The following STRN3 variants were observed in gnomAD, a reference collection of about 807,000 sequenced individuals.
STRN3 encodes striatin 3.
In STRN3, 29 loss-of-function variants were observed where a neutral mutation model predicts 95.6. The ratio of observed to expected loss-of-function variants is 0.30; its 90% CI spans 0.23 to 0.41. STRN3 has a LOEUF of 0.41. STRN3 is among the 10% of genes least tolerant of loss of function. The pLI, the probability that STRN3 is intolerant of heterozygous loss-of-function variation, is 1.00. For missense variants in STRN3, 890 were observed against 972.1 expected, an observed-to-expected ratio of 0.92 and a Z score of 1.12; for synonymous variants, 331 against 357.6, an observed-to-expected ratio of 0.93 and a Z score of 0.84.
At chr14:30,995,418 G>C in intron 1 of STRN3, among the ~76,000 whole-genome samples, 1 of 151,924 alleles carries the variant, frequency 6.6e-6, no homozygotes, top group East Asian at 1.9e-4. Flanking sequence ...ATCCTTCCTT[G>C]TCACTAATAG....
intron 5 of STRN3, among the ~76,000 whole-genome samples, chr14:30,938,271 G>A (rs1471553636): frequency 1.3e-5 from 2 of 151,706 alleles, no homozygotes; most frequent in Non-Finnish European, 2.9e-5. Context: ...TGTAGGAGAT[G>A]GTTTCTTCAA....
At chr14:30,921,420 C>A (rs375212353) in intron 8 of STRN3, among the ~76,000 whole-genome samples, 21 of 152,042 alleles carry the variant, frequency 1.4e-4, no homozygotes, top group African/African-American at 4.6e-4. Flanking sequence ...AACTGACGAT[C>A]CCAAATTATA....
intron 7 of STRN3, among the ~76,000 whole-genome samples, chr14:30,933,104 G>A (rs1277490079): frequency 8.7e-5 from 13 of 150,142 alleles, no homozygotes; most frequent in East Asian, 3.9e-4. Flanking sequence ...GCCAAACTCC[G>A]TCTCTACAAA....
At chr14:30,961,817 G>A (rs1192835068) in intron 1 of STRN3, among the ~76,000 whole-genome samples, 2 of 152,254 alleles carry the variant, frequency 1.3e-5, no homozygotes, top group Non-Finnish European at 1.5e-5. Context: ...TTGTTGCCCA[G>A]GCTGGCCTTG....
intron 1 of STRN3, among the ~76,000 whole-genome samples, chr14:30,976,261 T>A (rs1022263986): frequency 5.9e-5 from 9 of 152,292 alleles, no homozygotes; most frequent in African/African-American, 2.2e-4. Flanking sequence ...AAAGTGGGAA[T>A]AGTTACATTA....
At chr14:30,969,202 G>T (rs530692819) in intron 1 of STRN3, among the ~76,000 whole-genome samples, 5 of 152,176 alleles carry the variant, frequency 3.3e-5, no homozygotes, top group African/African-American at 1.2e-4. Context: ...TTGGGAGGCC[G>T]AGGAGGGCAA....
chr14:30,917,482 A>G (rs1306152950), intron 9 of STRN3, among the ~76,000 whole-genome samples: 2 of 152,118 alleles, frequency 1.3e-5, no homozygotes, highest in Non-Finnish European at 2.9e-5. Flanking sequence ...CAAAAATTTT[A>G]GCAAGTTGTA....
At position 30,902,575 on chromosome 14, in the gene STRN3, G is replaced by A; in HGVS notation, c.2098C>T (p.His700Tyr). The A allele has an allele frequency of 6.2e-7, 1 of 1,608,348 alleles. No homozygotes were observed. Among genetic ancestry groups the A allele is most frequent in the Non-Finnish European group, 8.5e-7 (1 of 1,178,006 alleles). ...HPTLPVTITA[H>Y]EDRHIKFFDN... is the part of the protein sequence containing the mutation. ...AAAAATTTGATGTGTCTATCTTCAT[G>A]AGCAGTTATTGTAACAGGAAGTGTG... The change falls in exon 16 of 18, where the codon CAT becomes TAT. Residue 700 changes from histidine to tyrosine, a missense_variant. This residue lies in a region of STRN3 where 357 missense variants were observed against 422.8 expected (regional missense o/e 0.84). Transcript: ENST00000357479.
chr14:31,005,444 T>C (rs1365788001), intron 1 of STRN3, among the ~76,000 whole-genome samples: 1 of 152,218 alleles, frequency 6.6e-6, no homozygotes, highest in Non-Finnish European at 1.5e-5. Context: ...AAACATAGAG[T>C]AGCTACCTGT....
At chr14:30,975,431 G>A (rs934391861) in intron 1 of STRN3, among the ~76,000 whole-genome samples, 14 of 151,078 alleles carry the variant, frequency 9.3e-5, no homozygotes, top group Admixed American at 9.3e-4. Flanking sequence ...AGGGACAAAA[G>A]ACTACACAAT....
rs117061254 is a variant in STRN3 at position 30,947,110 on chromosome 14, T to C, written c.696A>G (p.Gln232=). Residue 232 remains glutamine (Q), a synonymous_variant, in exon 5 of 18, where the codon CAA becomes CAG. Coordinates refer to ENST00000357479, the MANE Select transcript of STRN3 (RefSeq NM_001083893.2). ...CATACCTTTTTATTTCTTGTCCCTT[T>C]TGCTTAGGAGATTCACCTCCATTCA... ...QILNGGESPK[Q]KGQEIKRSSG... is the part of the protein sequence containing the mutation. The C allele has an allele frequency of 8.4e-5, 134 of 1,600,128 alleles. 1 individual carries two copies. In the East Asian group the frequency reaches 3.0e-3, roughly 36 times the overall value.
chr14:30,963,342 A>G (rs1442534681), intron 1 of STRN3, among the ~76,000 whole-genome samples: 1 of 152,204 alleles, frequency 6.6e-6, no homozygotes, highest in Non-Finnish European at 1.5e-5. Context: ...AAAAATACAC[A>G]TCTTAAGTGC....
intron 1 of STRN3, among the ~76,000 whole-genome samples, chr14:31,022,382 C>CAA (rs34715212): frequency 0.017 from 2,160 of 130,350 alleles, 43 homozygotes; most frequent in African/African-American, 0.058. Flanking sequence ...GACTCCATCT[C>CAA]AAAAAAAAAA....
rs550331060 is a variant in STRN3, at chr14:30,954,109, T to C, written c.460+1511A>G. 1.2e-4 allele frequency among the ~76,000 whole-genome samples: 18 copies of C among 152,336 alleles called. 1 individual carries two copies. The South Asian group carries it at 3.5e-3, about 30-fold the overall frequency. On this transcript the variant is annotated intron_variant, in intron 3 of 17. Coordinates refer to ENST00000357479, the MANE Select transcript of STRN3 (RefSeq NM_001083893.2). ...GTCAGTGTCTAATTGTATTCCATTG[T>C]GGTTTTAAGTTGTATTTTCTTAATA...
chr14:30,910,751 GTTAC>G (rs1008141209), intron 13 of STRN3, among the ~76,000 whole-genome samples: 30 of 151,956 alleles, frequency 2.0e-4, no homozygotes, highest in African/African-American at 7.2e-4. Flanking sequence ...TCAAAATTTT[GTTAC>G]TTAGATTACA....
chr14:30,900,891 T>C (rs569587281), intron 16 of STRN3, among the ~76,000 whole-genome samples: 9 of 152,334 alleles, frequency 5.9e-5, no homozygotes, highest in East Asian at 1.9e-4. Flanking sequence ...TGCTGCTTAT[T>C]TGATATTGAG....
Position 30,947,182 on chromosome 14 carries a change from A to G in STRN3, c.624T>C (p.Asn208=). ...QRVRSLLGLS[N]SEPNGSVETK... ...TTTCTACTGATCCATTTGGTTCTGAATTAGATAGTCCAAGTAATGACCTTA... is the reference window on the plus strand; with the variant it reads ...TTTCTACTGATCCATTTGGTTCTGAGTTAGATAGTCCAAGTAATGACCTTA... The change falls in exon 5 of 18, where the codon AAT becomes AAC. Residue 208 remains asparagine (N), a synonymous_variant. Coordinates refer to ENST00000357479, the MANE Select transcript of STRN3 (RefSeq NM_001083893.2). 6.2e-7 allele frequency: 1 copy of G among 1,613,520 alleles called. No individual in the cohort carries two copies. The highest frequency in any genetic ancestry group is 2.2e-5 in the East Asian group (1 of 44,820).
chr14:30,990,837 T>G (rs1881919322), intron 1 of STRN3, among the ~76,000 whole-genome samples: 1 of 151,710 alleles, frequency 6.6e-6, no homozygotes, highest in Non-Finnish European at 1.5e-5. Flanking sequence ...ATAGTTGTTA[T>G]ATTATACTGT....
At chr14:30,956,868 T>G (rs950498615) in intron 1 of STRN3, among the ~76,000 whole-genome samples, 1 of 152,176 alleles carries the variant, frequency 6.6e-6, no homozygotes, top group Non-Finnish European at 1.5e-5. Flanking sequence ...ACTAGAAAAT[T>G]TATAATCTGA....
Sources: gnomAD v4.1 joint callset for allele counts (sites outside exome capture counted in the v4.1 genomes callset) on GRCh38, gnomAD v4.1.1 for gene constraint, gnomAD v4.1.1 regional missense constraint, MANE v1.5 for transcripts, NCBI Gene and HGNC (gene_info 2026-07-23, HGNC 2026-07-21) for gene names.